NALF1: variants seen among roughly 807,000 people sequenced by gnomAD.
NALF1 encodes family with sequence similarity 155 member A.
In NALF1, 3 loss-of-function variants were observed where a neutral mutation model predicts 48.4. The observed-to-expected ratio is 0.06, with a 90% CI of 0.03 to 0.16. NALF1 has a LOEUF of 0.16. Ranked by LOEUF, NALF1 falls within the 10% of genes least tolerant of loss-of-function variation. NALF1 has a pLI of 1.00. For synonymous variants in NALF1, 262 were observed against 245.7 expected (o/e 1.07, Z -0.62); for missense variants, 526 against 571.5 (o/e 0.92, Z 0.81).
At chr13:107,204,831 T>A (rs996769811) in intron 2 of NALF1, among the ~76,000 whole-genome samples, 1 of 152,130 alleles carries the variant, frequency 6.6e-6, no homozygotes, top group Non-Finnish European at 1.5e-5. Context: ...ACTACACTGG[T>A]CTTTTTATTA....
At chr13:107,566,158 C>G (rs1408696929) in intron 1 of NALF1, among the ~76,000 whole-genome samples, 1 of 152,110 alleles carries the variant, frequency 6.6e-6, no homozygotes, top group Non-Finnish European at 1.5e-5. Context: ...CATTCATCCA[C>G]AATGATAGGG....
At chr13:107,526,076 C>T (rs1028890445) in intron 1 of NALF1, among the ~76,000 whole-genome samples, 3 of 152,050 alleles carry the variant, frequency 2.0e-5, no homozygotes, top group Non-Finnish European at 2.9e-5. Context: ...CAGATATATA[C>T]TTTGCAAATA....
rs1477394235 is a variant in NALF1, at chr13:107,403,730, A to T, written c.916-192975T>A. On this transcript the variant is annotated intron_variant, in intron 1 of 2. Coordinates refer to ENST00000375915, the MANE Select transcript of NALF1 (RefSeq NM_001080396.3). Reference sequence around the variant, plus strand: ...TTCTTTTGCCACAAATTTTAAAAAAAAACTCACCTTTTTTAGAAACATATT... The same window carrying T: ...TTCTTTTGCCACAAATTTTAAAAAATAACTCACCTTTTTTAGAAACATATT... Among the ~76,000 whole-genome samples, 3 of 151,660 alleles carry T rather than the reference A, an allele frequency of 2.0e-5. No individual in the cohort carries two copies. In the East Asian group the frequency reaches 5.9e-4, roughly 30 times the overall value.
chr13:107,742,079 G>C (rs963108379), intron 1 of NALF1, among the ~76,000 whole-genome samples: 4 of 152,094 alleles, frequency 2.6e-5, no homozygotes, highest in Non-Finnish European at 5.9e-5. Flanking sequence ...ATGTTCTCAG[G>C]AAACAGCACG....
At chr13:107,397,798 T>TA (rs972920044) in intron 1 of NALF1, among the ~76,000 whole-genome samples, 1 of 151,834 alleles carries the variant, frequency 6.6e-6, no homozygotes, top group Non-Finnish European at 1.5e-5. Flanking sequence ...AGGAGGGGAA[T>TA]AAAAAAAATT....
intron 1 of NALF1, among the ~76,000 whole-genome samples, chr13:107,600,774 T>C (rs1052733237): frequency 6.6e-6 from 1 of 152,200 alleles, no homozygotes; most frequent in African/African-American, 2.4e-5. Flanking sequence ...CAATGAATGA[T>C]TGCTATATCA....
intron 1 of NALF1, among the ~76,000 whole-genome samples, chr13:107,792,954 T>C (rs1177696417): frequency 1.3e-5 from 2 of 152,184 alleles, no homozygotes; most frequent in East Asian, 3.9e-4. Flanking sequence ...ATTACAGGCG[T>C]GAACCACTGA....
intron 1 of NALF1, among the ~76,000 whole-genome samples, chr13:107,689,561 T>G (rs1038913855): frequency 1.3e-5 from 2 of 152,108 alleles, no homozygotes; most frequent in Non-Finnish European, 2.9e-5. Flanking sequence ...GAGCCTAAAT[T>G]TGAACTCTAA....
chr13:107,591,759 T>C (rs1469843421), intron 1 of NALF1, among the ~76,000 whole-genome samples: 1 of 152,058 alleles, frequency 6.6e-6, no homozygotes, highest in Non-Finnish European at 1.5e-5. Context: ...CGCGAAGATA[T>C]ATTTAACTCA....
chr13:107,700,091 T>C (rs568258464), intron 1 of NALF1, among the ~76,000 whole-genome samples: 3 of 151,910 alleles, frequency 2.0e-5, no homozygotes, highest in South Asian at 2.1e-4. Context: ...AAGTAATATA[T>C]AGATTCAATG....
At chr13:107,444,117 T>C (rs1052622414) in intron 1 of NALF1, among the ~76,000 whole-genome samples, 3 of 152,186 alleles carry the variant, frequency 2.0e-5, no homozygotes, top group African/African-American at 7.2e-5. Context: ...AATCCTTTAC[T>C]AATTATATAA....
At chr13:107,786,807 C>T (rs375560636) in intron 1 of NALF1, among the ~76,000 whole-genome samples, 31 of 152,330 alleles carry the variant, frequency 2.0e-4, no homozygotes, top group South Asian at 6.2e-4. Context: ...CCTCTCATCT[C>T]CTTCCAAGGC....
chr13:107,265,418 T>A (rs1384593401), intron 1 of NALF1, among the ~76,000 whole-genome samples: 1 of 152,180 alleles, frequency 6.6e-6, no homozygotes, highest in African/African-American at 2.4e-5. Flanking sequence ...AGACTTTATT[T>A]TTTATTTATT....
intron 1 of NALF1, among the ~76,000 whole-genome samples, chr13:107,337,043 CAAAAAAAAAAAAAAAAAAAA>C (rs60969406): frequency 2.6e-5 from 3 of 114,828 alleles, no homozygotes; most frequent in South Asian, 2.9e-4. Context: ...TTTCATTCCC[CAAAAAAAAAAAAAAAAAAAA>C]AAAAAAAAAA....
intron 2 of NALF1, among the ~76,000 whole-genome samples, chr13:107,176,888 T>C (rs1878950786): frequency 6.6e-6 from 1 of 151,840 alleles, no homozygotes; most frequent in South Asian, 2.1e-4. Context: ...ATTTTGTTTG[T>C]TTTTAAATTT....
chr13:107,345,692 A>G (rs1882758525), intron 1 of NALF1, among the ~76,000 whole-genome samples: 1 of 152,208 alleles, frequency 6.6e-6, no homozygotes, highest in Non-Finnish European at 1.5e-5. Flanking sequence ...TCTTAGAAGA[A>G]AACATAGTAA....
chr13:107,443,274 A>T (rs1014424848), intron 1 of NALF1, among the ~76,000 whole-genome samples: 13 of 152,024 alleles, frequency 8.6e-5, no homozygotes, highest in African/African-American at 2.9e-4. Context: ...GGAGTGCAAT[A>T]GTGCAATCTG....
chr13:107,807,717 T>C (rs1482414275), intron 1 of NALF1, among the ~76,000 whole-genome samples: 1 of 152,192 alleles, frequency 6.6e-6, no homozygotes, highest in Admixed American at 6.5e-5. Context: ...AAAATTACTT[T>C]TTTCTCTTCA....
At chr13:107,218,266 G>A (rs1879917404) in intron 1 of NALF1, among the ~76,000 whole-genome samples, 1 of 152,122 alleles carries the variant, frequency 6.6e-6, no homozygotes, top group African/African-American at 2.4e-5. Flanking sequence ...CTCTTCTTCG[G>A]CAGTTCAGTA....
Sources: gnomAD v4.1 joint callset for allele counts (sites outside exome capture counted in the v4.1 genomes callset) on GRCh38, gnomAD v4.1.1 for gene constraint, MANE v1.5 for transcripts, NCBI Gene and HGNC (gene_info 2026-07-23, HGNC 2026-07-21) for gene names.